The following JAKMIP1 variants were observed in gnomAD, a reference collection of about 807,000 sequenced individuals.
JAKMIP1 encodes the protein janus kinase and microtubule-interacting protein 1.
JAKMIP1 carries 33 observed loss-of-function variants against 113.0 expected under a neutral mutation model. That is an observed-to-expected ratio of 0.29 (90% CI 0.22 to 0.39). JAKMIP1 has a LOEUF of 0.39. JAKMIP1 is among the 10% of genes least tolerant of loss of function. The probability of loss-of-function intolerance (pLI) is 1.00; values close to 1 mark genes in which losing one functional copy is unlikely to be tolerated. For missense variants in JAKMIP1, 813 were observed against 1,080.5 expected (o/e 0.75, Z 3.47); for synonymous variants, 480 against 459.9 (o/e 1.04, Z -0.56).
chr4:6,039,209 A>G (rs1473953352), intron 18 of JAKMIP1, among the ~76,000 whole-genome samples: 1 of 152,132 alleles, frequency 6.6e-6, no homozygotes, highest in Non-Finnish European at 1.5e-5. Flanking sequence ...GGCCTTCCTG[A>G]GTTGGTGCTT....
chr4:6,186,741 A>C lies in JAKMIP1; in HGVS notation c.-148+13512T>G, dbSNP rs1726693675. ...CTGCTTCCTTGTTGACCTCCTGTAG[A>C]GTTGTTCTATCTGTTATTGAAAGTG... is the stretch of plus-strand genomic sequence containing the variant. On this transcript the variant is annotated intron_variant, in intron 1 of 20. Coordinates refer to ENST00000409021, the MANE Select transcript of JAKMIP1 (RefSeq NM_001099433.2). This position sits in a 1 kb window ranked among gnomAD's most constrained non-coding sequence, Gnocchi z 5.5. 6.6e-6 allele frequency among the ~76,000 whole-genome samples: 1 copy of C among 152,064 alleles called. No homozygotes were observed. Among genetic ancestry groups the C allele is most frequent in the African/African-American group, 2.4e-5 (1 of 41,382 alleles).
chr4:6,046,974 C>T (rs935269876), intron 16 of JAKMIP1, among the ~76,000 whole-genome samples: 27 of 152,234 alleles, frequency 1.8e-4, no homozygotes, highest in Admixed American at 4.6e-4. Flanking sequence ...CTTGCTCACC[C>T]GGTCCACAGG....
intron 1 of JAKMIP1, among the ~76,000 whole-genome samples, chr4:6,131,173 A>AAAAAAAAAAAG (rs71173409): frequency 0.1 from 9,669 of 94,902 alleles, 1,478 homozygotes; most frequent in East Asian, 0.34. Context: ...AAAAAAAAAA[A>AAAAAAAAAAAG]AATATCCCAG....
rs2109061745 is a variant in JAKMIP1 at position 6,192,220 on chromosome 4, A to G, written c.-148+8033T>C. Among the ~76,000 whole-genome samples the G allele has an allele frequency of 1.3e-5, 2 of 152,252 alleles. No individual in the cohort carries two copies. Among genetic ancestry groups the G allele is most frequent in the South Asian group, 4.2e-4 (2 of 4,814 alleles). ...AGTGCTGGGATTACAGGCGTGAGCCACCGCGCCTGGCCAGGGTGTATTTTT... is the reference window on the plus strand; with the variant it reads ...AGTGCTGGGATTACAGGCGTGAGCCGCCGCGCCTGGCCAGGGTGTATTTTT... On this transcript the variant is annotated intron_variant, in intron 1 of 20. Coordinates refer to ENST00000409021, the MANE Select transcript of JAKMIP1 (RefSeq NM_001099433.2). This position sits in a 1 kb window ranked among gnomAD's most constrained non-coding sequence, Gnocchi z 5.0.
At chr4:6,164,287 G>A (rs958854380) in intron 1 of JAKMIP1, among the ~76,000 whole-genome samples, 2 of 152,188 alleles carry the variant, frequency 1.3e-5, no homozygotes, top group African/African-American at 2.4e-5. Context: ...AGGGCCCTGT[G>A]CTCTAAAAAT....
chr4:6,123,649 G>C (rs186433997), intron 1 of JAKMIP1, among the ~76,000 whole-genome samples: 46 of 152,266 alleles, frequency 3.0e-4, no homozygotes, highest in African/African-American at 9.6e-4. Context: ...GGAAGACCCT[G>C]TCTCTACAAA....
At position 6,080,029 on chromosome 4, in the gene JAKMIP1, G is replaced by A. The variant is rs982677469; in HGVS notation, c.1242+143C>T. 4 of 880,416 alleles carry A rather than the reference G, an allele frequency of 4.5e-6. No homozygotes were observed. The highest frequency in any genetic ancestry group is 6.7e-6 in the Non-Finnish European group (4 of 595,544). 54.5% of individuals were successfully genotyped at this position (880,416 alleles called of 1,614,324 possible). A position where few individuals can be genotyped will look rare whatever the true frequency, so the allele number is the denominator to read the frequency against. On this transcript the variant is annotated intron_variant, in intron 7 of 20. Transcript: ENST00000409021. This position sits in a 1 kb window ranked among gnomAD's most constrained non-coding sequence, Gnocchi z 6.0. ...AGCGGGAATGTGCACACCAGGGTGA[G>A]CTTGGTGAGTCCCAAAGTCAGCACT...
In JAKMIP1 at chr4:6,065,014, A is replaced by C; in HGVS notation, c.1303-6T>G. 6.2e-7 allele frequency: 1 copy of C among 1,614,142 alleles called. No homozygotes were observed. The highest frequency in any genetic ancestry group is 8.5e-7 in the Non-Finnish European group (1 of 1,180,012). Reference sequence around the variant, plus strand: ...AATGTCTCCACAACATGCTTCTGTAAAACGCAATTTGTATGATGTTAGCAA... The same window carrying C: ...AATGTCTCCACAACATGCTTCTGTACAACGCAATTTGTATGATGTTAGCAA... On this transcript the variant is annotated splice_polypyrimidine_tract_variant and splice_region_variant and intron_variant, in intron 8 of 20. Coordinates refer to ENST00000409021, the MANE Select transcript of JAKMIP1 (RefSeq NM_001099433.2). The surrounding 1 kb of genome is among the most constrained non-coding windows in gnomAD (Gnocchi z 5.1).
At chr4:6,172,620 G>A (rs1208421375) in intron 1 of JAKMIP1, among the ~76,000 whole-genome samples, 1 of 152,156 alleles carries the variant, frequency 6.6e-6, no homozygotes, top group Non-Finnish European at 1.5e-5. Context: ...CAGGGGATGG[G>A]AGCCCCTAAT....
At chr4:6,099,996 T>C (rs1033332958) in intron 3 of JAKMIP1, among the ~76,000 whole-genome samples, 5 of 152,198 alleles carry the variant, frequency 3.3e-5, no homozygotes, top group African/African-American at 1.2e-4. Context: ...TGTTGTTTCA[T>C]TGTGTGCTGT....
At chr4:6,057,220 C>T (rs981868079) in intron 11 of JAKMIP1, among the ~76,000 whole-genome samples, 35 of 152,336 alleles carry the variant, frequency 2.3e-4, no homozygotes, top group South Asian at 2.1e-4. Context: ...GCACCAAGTC[C>T]GTCTTGTCGC....
rs1720405766 is a variant in JAKMIP1 at position 6,143,213 on chromosome 4, T to C, written c.-147-30216A>G. 1.3e-5 allele frequency among the ~76,000 whole-genome samples: 2 copies of C among 152,182 alleles called. No homozygotes were observed. The highest frequency in any genetic ancestry group is 2.9e-5 in the Non-Finnish European group (2 of 68,022). ...ACCTTGCACAGTGCCTGGTGCGTGG[T>C]AGAGTTTGCAGAAAGCACTATCTTA... is the stretch of plus-strand genomic sequence containing the variant. On this transcript the variant is annotated intron_variant, in intron 1 of 20. Transcript: ENST00000409021. This position sits in a 1 kb window ranked among gnomAD's most constrained non-coding sequence, Gnocchi z 4.9.
intron 9 of JAKMIP1, among the ~76,000 whole-genome samples, chr4:6,063,054 A>G (rs1426087384): frequency 1.3e-5 from 2 of 152,058 alleles, no homozygotes; most frequent in African/African-American, 4.8e-5. Context: ...AGGCAGGAGA[A>G]TTCCTTGAGC....
chr4:6,082,500 G>A (rs1451678935), intron 5 of JAKMIP1, among the ~76,000 whole-genome samples: 1 of 151,476 alleles, frequency 6.6e-6, no homozygotes, highest in African/African-American at 2.4e-5. Context: ...CAGAAGGTAG[G>A]TAAAATGACA....
At chr4:6,066,689 C>T (rs999518281) in intron 8 of JAKMIP1, among the ~76,000 whole-genome samples, 5 of 152,132 alleles carry the variant, frequency 3.3e-5, no homozygotes, top group African/African-American at 4.8e-5. Context: ...GGGAGAAACC[C>T]TGTTGTCTTC....
At chr4:6,054,991 C>T (rs1054336934) in intron 12 of JAKMIP1, among the ~76,000 whole-genome samples, 4 of 152,086 alleles carry the variant, frequency 2.6e-5, no homozygotes, top group Non-Finnish European at 4.4e-5. Context: ...AAAATTCTCC[C>T]GAGGCCTGGG....
intron 1 of JAKMIP1, among the ~76,000 whole-genome samples, chr4:6,149,252 C>G (rs1285057723): frequency 1.3e-5 from 2 of 152,142 alleles, no homozygotes; most frequent in Admixed American, 6.5e-5. Context: ...TCACGCTAAT[C>G]AAATAAAAAA....
intron 1 of JAKMIP1, among the ~76,000 whole-genome samples, chr4:6,144,779 C>G (rs1004490740): frequency 6.6e-6 from 1 of 152,200 alleles, no homozygotes; most frequent in Admixed American, 6.5e-5. Context: ...ACATCACTCT[C>G]AATGGTGAAA....
chr4:6,100,580 T>C (rs1712837141), intron 3 of JAKMIP1, among the ~76,000 whole-genome samples: 1 of 152,238 alleles, frequency 6.6e-6, no homozygotes, highest in African/African-American at 2.4e-5. Flanking sequence ...TTCATTTCTC[T>C]TGGGTAGATA....
Sources: gnomAD v4.1 joint callset for allele counts (sites outside exome capture counted in the v4.1 genomes callset) on GRCh38, gnomAD v4.1.1 for gene constraint, Gnocchi (gnomAD v3.1) non-coding constraint, MANE v1.5 for transcripts, NCBI Gene and HGNC (gene_info 2026-07-23, HGNC 2026-07-21) for gene names.